The following GRM7 variants were observed in gnomAD, a reference collection of about 807,000 sequenced individuals.
The protein encoded by GRM7 is glutamate metabotropic receptor 7, also known as metabotropic glutamate receptor 7.
Under a neutral mutation model 84.5 loss-of-function variants are expected in GRM7, and 35 were observed. The ratio of observed to expected loss-of-function variants is 0.41; its 90% CI spans 0.32 to 0.55. The LOEUF is 0.55. Among genes scored for constraint, GRM7 ranks in the 20% least tolerant of loss-of-function variants. GRM7 has a pLI of 0.19. For missense variants in GRM7, 1,003 were observed against 1,194.6 expected (o/e 0.84, Z 2.36); for synonymous variants, 487 against 455.1 (o/e 1.07, Z -0.89).
intron 2 of GRM7, among the ~76,000 whole-genome samples, chr3:7,147,429 A>T (rs938962968): frequency 6.6e-6 from 1 of 151,780 alleles, no homozygotes; most frequent in Non-Finnish European, 1.5e-5. Context: ...ATATTCCCAC[A>T]CTCTTCTTAT....
At chr3:7,347,853 C>G (rs1431134049) in intron 4 of GRM7, among the ~76,000 whole-genome samples, 1 of 152,120 alleles carries the variant, frequency 6.6e-6, no homozygotes, top group East Asian at 1.9e-4. Context: ...TGACATTGTC[C>G]CTTGGACTTC....
chr3:7,572,637 G>A (rs1694728615), intron 7 of GRM7, among the ~76,000 whole-genome samples: 3 of 150,894 alleles, frequency 2.0e-5, no homozygotes, highest in East Asian at 2.0e-4. Flanking sequence ...GGCTAACACC[G>A]TGAAACCCCA....
chr3:7,115,952 C>T (rs1559451042), intron 1 of GRM7, among the ~76,000 whole-genome samples: 1 of 152,128 alleles, frequency 6.6e-6, no homozygotes, highest in Non-Finnish European at 1.5e-5. Context: ...TAGACATTGC[C>T]TTTCAGATGT....
chr3:7,327,693 A>G (rs1701040964), intron 4 of GRM7, among the ~76,000 whole-genome samples: 1 of 152,208 alleles, frequency 6.6e-6, no homozygotes, highest in Non-Finnish European at 1.5e-5. Context: ...TTTAATCTCT[A>G]ATGAAGCTTA....
chr3:7,374,713 A>G (rs896663758), intron 4 of GRM7, among the ~76,000 whole-genome samples: 3 of 149,750 alleles, frequency 2.0e-5, no homozygotes, highest in Admixed American at 6.7e-5. Context: ...GTGGTCTCGA[A>G]CTCCTAACCT....
chr3:7,574,977 G>T (rs1001838462), intron 7 of GRM7, among the ~76,000 whole-genome samples: 1 of 152,072 alleles, frequency 6.6e-6, no homozygotes, highest in Non-Finnish European at 1.5e-5. Flanking sequence ...TGGCATATTC[G>T]TTCTTTGTTC....
intron 5 of GRM7, among the ~76,000 whole-genome samples, chr3:7,446,758 C>T (rs1389139770): frequency 6.6e-6 from 1 of 152,038 alleles, no homozygotes; most frequent in African/African-American, 2.4e-5. Flanking sequence ...CCTTGCCCGG[C>T]CAGGATTTTT....
intron 4 of GRM7, among the ~76,000 whole-genome samples, chr3:7,372,675 A>G (rs1694188683): frequency 1.3e-5 from 2 of 152,134 alleles, no homozygotes. Flanking sequence ...TTAGCACCAA[A>G]CAGGTATCAG....
intron 7 of GRM7, among the ~76,000 whole-genome samples, chr3:7,463,410 GATTAGCT>G (rs745592717): frequency 6.6e-6 from 1 of 152,154 alleles, no homozygotes; most frequent in Non-Finnish European, 1.5e-5. Context: ...AACTGCATTT[GATTAGCT>G]ATTCAACAAG....
intron 2 of GRM7, among the ~76,000 whole-genome samples, chr3:7,153,133 A>ATTTTTTTTTTTTTTTTTT (rs34465661): frequency 9.7e-6 from 1 of 103,386 alleles, no homozygotes; most frequent in African/African-American, 3.8e-5. Context: ...GGTACTGTGG[A>ATTTTTTTTTTTTTTTTTT]TTTTTTTTTT....
At chr3:7,385,501 C>T (rs954982703) in intron 4 of GRM7, among the ~76,000 whole-genome samples, 5 of 151,804 alleles carry the variant, frequency 3.3e-5, no homozygotes, top group African/African-American at 1.2e-4. Context: ...AGGGTTTCAC[C>T]ATGTTATGCA....
intron 8 of GRM7, among the ~76,000 whole-genome samples, chr3:7,649,388 G>A (rs767540712): frequency 1.1e-4 from 17 of 152,150 alleles, no homozygotes; most frequent in Middle Eastern, 6.8e-3. Flanking sequence ...GCGCCCAGCC[G>A]AAATTCAAAT....
chr3:7,148,995 ATTC>A (rs1172272290), intron 2 of GRM7, among the ~76,000 whole-genome samples: 1 of 152,164 alleles, frequency 6.6e-6, no homozygotes, highest in Admixed American at 6.6e-5. Context: ...TTTAATAAGT[ATTC>A]TTCTTTTATA....
At chr3:7,229,304 A>G (rs187319327) in intron 2 of GRM7, among the ~76,000 whole-genome samples, 6 of 152,296 alleles carry the variant, frequency 3.9e-5, no homozygotes, top group Admixed American at 2.0e-4. Context: ...ACCATTTAAC[A>G]AGCACCAAAT....
At chr3:7,271,288 A>G (rs1407036906) in intron 2 of GRM7, among the ~76,000 whole-genome samples, 4 of 152,068 alleles carry the variant, frequency 2.6e-5, no homozygotes, top group Non-Finnish European at 4.4e-5. Flanking sequence ...GGCCGGGCGC[A>G]GTGGCTAACG....
chr3:6,869,343 G>A (rs553849089), intron 1 of GRM7, among the ~76,000 whole-genome samples: 1 of 152,254 alleles, frequency 6.6e-6, no homozygotes, highest in East Asian at 1.9e-4. Context: ...TGCAAGGATT[G>A]CATGAAGTAT....
chr3:7,394,364 T>A (rs915396463), intron 4 of GRM7, among the ~76,000 whole-genome samples: 1 of 152,320 alleles, frequency 6.6e-6, no homozygotes, highest in Non-Finnish European at 1.5e-5. Context: ...AGAGAGGACA[T>A]GTAAAGTGTT....
At chr3:7,205,031 A>G (rs1299393096) in intron 2 of GRM7, among the ~76,000 whole-genome samples, 1 of 152,224 alleles carries the variant, frequency 6.6e-6, no homozygotes, top group Non-Finnish European at 1.5e-5. Context: ...CTACAGAAGG[A>G]CGGTAGCAGT....
At chr3:7,476,635 G>T (rs1698932816) in intron 7 of GRM7, among the ~76,000 whole-genome samples, 5 of 152,150 alleles carry the variant, frequency 3.3e-5, no homozygotes, top group Admixed American at 2.6e-4. Context: ...TATTGTTGTT[G>T]CTACTTTTTC....
Sources: gnomAD v4.1 joint callset for allele counts (sites outside exome capture counted in the v4.1 genomes callset) on GRCh38, gnomAD v4.1.1 for gene constraint, MANE v1.5 for transcripts, NCBI Gene and HGNC (gene_info 2026-07-23, HGNC 2026-07-21) for gene names.